The following SPOCK1 variants were observed in gnomAD, a reference collection of about 807,000 sequenced individuals.
SPOCK1 encodes the protein SPARC (osteonectin), cwcv and kazal like domains proteoglycan 1.
A neutral mutation model predicts 55.3 loss-of-function variants in SPOCK1; 23 were observed. The ratio of observed to expected loss-of-function variants is 0.42; its 90% CI spans 0.30 to 0.59. The LOEUF (loss-of-function observed/expected upper bound fraction) is 0.59, where lower values mean the gene tolerates loss of function less well. Among genes scored for constraint, SPOCK1 ranks in the 20% least tolerant of loss-of-function variants. The pLI, the probability that SPOCK1 is intolerant of heterozygous loss-of-function variation, is 0.22. For synonymous variants in SPOCK1, 226 were observed against 221.0 expected (o/e 1.02, Z -0.20); for missense variants, 499 against 552.5 (o/e 0.90, Z 0.97).
chr5:137,363,252 G>A (rs1750989097), intron 2 of SPOCK1, among the ~76,000 whole-genome samples: 1 of 152,134 alleles, frequency 6.6e-6, no homozygotes, highest in Non-Finnish European at 1.5e-5. Flanking sequence ...AATAGGTCCA[G>A]GGATACCAAA....
intron 3 of SPOCK1, among the ~76,000 whole-genome samples, chr5:137,172,468 C>T (rs1231128621): frequency 1.3e-5 from 2 of 152,168 alleles, no homozygotes; most frequent in African/African-American, 4.8e-5. Context: ...CCCCTCTCCC[C>T]TGCAGGAAGA....
intron 3 of SPOCK1, among the ~76,000 whole-genome samples, chr5:137,152,484 A>G (rs1371500358): frequency 6.6e-6 from 1 of 152,234 alleles, no homozygotes; most frequent in African/African-American, 2.4e-5. Context: ...TTCCTAAGAC[A>G]AGCATAAAAC....
At chr5:137,084,954 CAAAAAAAAA>C (rs10568473) in intron 5 of SPOCK1, among the ~76,000 whole-genome samples, 1,863 of 114,262 alleles carry the variant, frequency 0.016, 36 homozygotes, top group Non-Finnish European at 0.02. Context: ...TTATACAAAG[CAAAAAAAAA>C]AAAAAAAAAG....
chr5:137,432,424 TA>T (rs11367816), intron 2 of SPOCK1, among the ~76,000 whole-genome samples: 151,950 of 152,272 alleles, frequency 1, 75,815 homozygotes, highest in South Asian at 1. Flanking sequence ...TATTCAGCCA[TA>T]AAAAAAGGAA....
intron 2 of SPOCK1, among the ~76,000 whole-genome samples, chr5:137,442,760 G>T (rs1182310509): frequency 2.6e-5 from 4 of 152,210 alleles, no homozygotes; most frequent in Admixed American, 1.3e-4. Context: ...AATTATAGTA[G>T]ATCCTCTGTG....
intron 2 of SPOCK1, among the ~76,000 whole-genome samples, chr5:137,412,977 A>G (rs1481429678): frequency 6.7e-6 from 1 of 148,500 alleles, no homozygotes; most frequent in Non-Finnish European, 1.5e-5. Flanking sequence ...TCTAGTGTTA[A>G]GTGGAAAAAA....
In SPOCK1 at chr5:137,032,078, T is replaced by A. The variant is rs1361741621; in HGVS notation, c.589+35637A>T. Among the ~76,000 whole-genome samples, 4 of 149,828 alleles carry A rather than the reference T, an allele frequency of 2.7e-5. No individual in the cohort carries two copies. In the East Asian group the frequency reaches 7.8e-4, roughly 29 times the overall value. ...AAAATAAATATATAATATATACATA[T>A]TCCCCAGCCAGGAATGCCATTTCTT... On this transcript the variant is annotated intron_variant, in intron 6 of 10. Coordinates refer to ENST00000394945, the MANE Select transcript of SPOCK1 (RefSeq NM_004598.4).
chr5:137,354,209 C>A (rs896760460), intron 2 of SPOCK1, among the ~76,000 whole-genome samples: 1 of 152,208 alleles, frequency 6.6e-6, no homozygotes, highest in Non-Finnish European at 1.5e-5. Flanking sequence ...ACACTAAGCA[C>A]CAATCGCTGC....
chr5:137,282,644 C>A lies in SPOCK1; in HGVS notation c.187-15589G>T, dbSNP rs547085458. On this transcript the variant is annotated intron_variant, in intron 2 of 10. Transcript: ENST00000394945. ...GGTTCAAAGTCAGCCATTAAAGGTC[C>A]CTTCCTTAGCTTCCAAATGATGCTG... 2.0e-5 allele frequency among the ~76,000 whole-genome samples: 3 copies of A among 152,294 alleles called. No individual in the cohort carries two copies. The East Asian group carries it at 5.8e-4, about 29-fold the overall frequency.
chr5:136,987,311 A>G (rs563684756), intron 8 of SPOCK1, among the ~76,000 whole-genome samples: 1 of 152,302 alleles, frequency 6.6e-6, no homozygotes, highest in East Asian at 1.9e-4. Context: ...CTATGACCAG[A>G]AAAGTTCCAA....
At chr5:137,416,887 C>G (rs1752346746) in intron 2 of SPOCK1, among the ~76,000 whole-genome samples, 1 of 152,064 alleles carries the variant, frequency 6.6e-6, no homozygotes, top group Non-Finnish European at 1.5e-5. Flanking sequence ...CCACTGGCCA[C>G]TTATAGATGT....
chr5:137,259,688 T>TAAAAAAAAAAAAAAAAA (rs61576266), intron 3 of SPOCK1, among the ~76,000 whole-genome samples: 1 of 130,240 alleles, frequency 7.7e-6, no homozygotes, highest in Non-Finnish European at 1.6e-5. Context: ...CACATGAAAG[T>TAAAAAAAAAAAAAAAAA]AAAAAAAAAA....
chr5:137,439,168 G>A (rs1206424582), intron 2 of SPOCK1, among the ~76,000 whole-genome samples: 1 of 151,434 alleles, frequency 6.6e-6, no homozygotes, highest in Non-Finnish European at 1.5e-5. Flanking sequence ...ACAGAGGATG[G>A]GGATGTTGCA....
At chr5:137,275,953 G>T (rs1757058605) in intron 2 of SPOCK1, among the ~76,000 whole-genome samples, 1 of 152,144 alleles carries the variant, frequency 6.6e-6, no homozygotes, top group East Asian at 1.9e-4. Context: ...ATGGCCACGT[G>T]CCCTAACCAG....
intron 9 of SPOCK1, among the ~76,000 whole-genome samples, chr5:136,984,001 C>T (rs1267164045): frequency 1.3e-5 from 2 of 151,996 alleles, no homozygotes; most frequent in African/African-American, 2.4e-5. Context: ...ATCATAGGTA[C>T]GTCACTCAAA....
chr5:137,105,859 G>A lies in SPOCK1; in HGVS notation c.474+6576C>T, dbSNP rs144546418. On this transcript the variant is annotated intron_variant, in intron 5 of 10. Coordinates refer to ENST00000394945, the MANE Select transcript of SPOCK1 (RefSeq NM_004598.4). ...ATTGTTTAACAGCAATTAAGGAAGA[G>A]AATGTCAGGGGGAGGGGAGTGACAG... 2.3e-4 allele frequency among the ~76,000 whole-genome samples: 35 copies of A among 152,298 alleles called. No homozygotes were observed. The East Asian group carries it at 3.5e-3, about 15-fold the overall frequency.
chr5:137,258,844 T>C (rs1248874426), intron 3 of SPOCK1, among the ~76,000 whole-genome samples: 1 of 152,174 alleles, frequency 6.6e-6, no homozygotes, highest in African/African-American at 2.4e-5. Flanking sequence ...CATCATTCAC[T>C]ACGATTCCCT....
chr5:137,077,607 T>G (rs552505487), intron 5 of SPOCK1, among the ~76,000 whole-genome samples: 1 of 152,366 alleles, frequency 6.6e-6, no homozygotes, highest in Admixed American at 6.5e-5. Flanking sequence ...GGCCACCTTC[T>G]GTGTTCCAGA....
Position 137,224,903 on chromosome 5 carries a change from G to T in SPOCK1, c.232+42107C>A, listed in dbSNP as rs147422955. 7.4e-3 allele frequency among the ~76,000 whole-genome samples: 1,123 copies of T among 152,172 alleles called. 16 individuals are homozygous for T. Among genetic ancestry groups the T allele is most frequent in the African/African-American group, 0.025 (1,044 of 41,532 alleles). On this transcript the variant is annotated intron_variant, in intron 3 of 10. Transcript: ENST00000394945. ...CACAGGGGGCTGGAAGCACAGGCCC[G>T]GCCCAATTTAATAGGCAGTCATTCA...
Sources: allele counts gnomAD v4.1 joint callset (sites outside exome capture counted in the v4.1 genomes callset), GRCh38; gene constraint gnomAD v4.1.1; transcripts MANE v1.5; gene names NCBI Gene and HGNC (gene_info 2026-07-23, HGNC 2026-07-21).